The following RPF1 variants were observed in gnomAD, a reference collection of about 807,000 sequenced individuals.
RPF1 encodes ribosome production factor 1.
A neutral mutation model predicts 41.9 loss-of-function variants in RPF1; 34 were observed. That is an observed-to-expected ratio of 0.81 (90% CI 0.62 to 1.08). The LOEUF is 1.08. RPF1 is among the 50% of genes least tolerant of loss of function. The probability of loss-of-function intolerance (pLI) is 0.00; values close to 1 mark genes in which losing one functional copy is unlikely to be tolerated. For missense variants in RPF1, 425 were observed against 435.2 expected, an observed-to-expected ratio of 0.98 and a Z score of 0.21; for synonymous variants, 140 against 148.9, an observed-to-expected ratio of 0.94 and a Z score of 0.43.
rs555712965 is a variant in RPF1, at chr1:84,497,602, C to G, written c.*132C>G. 1 of 538,454 alleles carries G rather than the reference C, an allele frequency of 1.9e-6. No homozygotes were observed. 33.4% of individuals were successfully genotyped at this position (538,454 alleles called of 1,614,324 possible). A position where few individuals can be genotyped will look rare whatever the true frequency, so the allele number is the denominator to read the frequency against. ...AAACCTTTCACGTCTGGACGAATTA[C>G]CAAATGCCATGAATTGCCACTGTGT... On this transcript the variant is annotated 3_prime_UTR_variant, in exon 9 of 9. Coordinates refer to ENST00000370654, the MANE Select transcript of RPF1 (RefSeq NM_025065.7).
intron 3 of RPF1, among the ~76,000 whole-genome samples, chr1:84,485,140 T>C (rs1681714197): frequency 6.6e-6 from 1 of 152,228 alleles, no homozygotes; most frequent in South Asian, 2.1e-4. Flanking sequence ...AGTCTCGCTC[T>C]GTTGCCCAGG....
chr1:84,496,922 A>C (rs1329774550), intron 8 of RPF1, among the ~76,000 whole-genome samples: 1 of 151,876 alleles, frequency 6.6e-6, no homozygotes, highest in Admixed American at 6.6e-5. Context: ...CCCAGGCTGG[A>C]GTGCAGGGGC....
chr1:84,489,012 C>G (rs1558542322), intron 3 of RPF1, among the ~76,000 whole-genome samples: 1 of 151,900 alleles, frequency 6.6e-6, no homozygotes, highest in Admixed American at 6.6e-5. Flanking sequence ...TTTCTGAGTA[C>G]TTTCTTCTTT....
chr1:84,486,504 C>T (rs1357202606), intron 3 of RPF1, among the ~76,000 whole-genome samples: 1 of 143,874 alleles, frequency 7.0e-6, no homozygotes, highest in Admixed American at 7.4e-5. Context: ...AGGAGAATGG[C>T]GTGAACCCGG....
At chr1:84,487,702 T>TA (rs920901784) in intron 3 of RPF1, among the ~76,000 whole-genome samples, 3 of 152,156 alleles carry the variant, frequency 2.0e-5, no homozygotes, top group Non-Finnish European at 4.4e-5. Flanking sequence ...CTAAAATAAT[T>TA]AAAGAGTTGC....
rs760599880 is a variant in RPF1, at chr1:84,479,429, C to G, written c.148C>G (p.Pro50Ala). ...ACCCCCGAAAGCGGCTGCCTTTCCGCCAGGCTTTAGCATTTCGGAGATTAA... is the reference window on the plus strand; with the variant it reads ...ACCCCCGAAAGCGGCTGCCTTTCCGGCAGGCTTTAGCATTTCGGAGATTAA... ...VQPPKAAAFPPGFSISEIKNK... is the reference protein window; with the variant it reads ...VQPPKAAAFPAGFSISEIKNK... Residue 50 changes from proline to alanine, a missense_variant, in exon 1 of 9, where the codon CCA (proline) becomes GCA (alanine). Coordinates refer to ENST00000370654, the MANE Select transcript of RPF1 (RefSeq NM_025065.7). 1 of 1,614,258 alleles carries G rather than the reference C, an allele frequency of 6.2e-7. No individual in the cohort carries two copies. The highest frequency in any genetic ancestry group is 1.7e-5 in the Admixed American group (1 of 60,034).
intron 3 of RPF1, among the ~76,000 whole-genome samples, chr1:84,486,721 A>G (rs1008358415): frequency 6.6e-6 from 1 of 152,164 alleles, no homozygotes; most frequent in Non-Finnish European, 1.5e-5. Flanking sequence ...AAATCCAGGA[A>G]AGAAATGATG....
chr1:84,485,534 A>G (rs1681721934), intron 3 of RPF1, among the ~76,000 whole-genome samples: 1 of 152,180 alleles, frequency 6.6e-6, no homozygotes, highest in African/African-American at 2.4e-5. Context: ...AAAAGTTTTG[A>G]ATTTGGGAAT....
intron 1 of RPF1, 103 bp from the exon 2 acceptor site, chr1:84,480,853 C>T: frequency 1.5e-6 from 1 of 646,012 alleles, no homozygotes; most frequent in Admixed American, 2.7e-5. Flanking sequence ...CAAAGACCGC[C>T]CAGTTCGAGT....
intron 3 of RPF1, among the ~76,000 whole-genome samples, chr1:84,484,181 A>G (rs1177959482): frequency 2.6e-5 from 4 of 152,146 alleles, no homozygotes; most frequent in African/African-American, 9.7e-5. Flanking sequence ...TATGCATTTT[A>G]ATTTATTTTG....
Position 84,497,603 on chromosome 1 carries a change from C to G in RPF1, c.*133C>G, listed in dbSNP as rs1172487847. On this transcript the variant is annotated 3_prime_UTR_variant, in exon 9 of 9. Coordinates refer to ENST00000370654, the MANE Select transcript of RPF1 (RefSeq NM_025065.7). ...AACCTTTCACGTCTGGACGAATTAC[C>G]AAATGCCATGAATTGCCACTGTGTG... 4 of 535,460 alleles carry G rather than the reference C, an allele frequency of 7.5e-6. No individual in the cohort carries two copies. Among genetic ancestry groups the G allele is most frequent in the Non-Finnish European group, 1.3e-5 (4 of 311,818 alleles). 33.2% of individuals were successfully genotyped at this position (535,460 alleles called of 1,614,324 possible).
intron 5 of RPF1, 72 bp from the exon 6 acceptor site, chr1:84,495,301 G>A: frequency 1.3e-6 from 1 of 775,856 alleles, no homozygotes; most frequent in South Asian, 1.6e-5. Flanking sequence ...TTTGGATGTA[G>A]AGGACCAGTT....
chr1:84,481,640 T>C (rs1237595254), intron 2 of RPF1, among the ~76,000 whole-genome samples: 1 of 152,354 alleles, frequency 6.6e-6, no homozygotes, highest in East Asian at 1.9e-4. Context: ...AGAATTTGGC[T>C]GTATTTGTGG....
chr1:84,492,661 G>T (rs145695901), intron 5 of RPF1, among the ~76,000 whole-genome samples: 8 of 152,326 alleles, frequency 5.3e-5, no homozygotes, highest in Admixed American at 1.3e-4. Flanking sequence ...TGAGAAGCAT[G>T]TAAACTTTAT....
chr1:84,484,149 G>A (rs1431763517), intron 3 of RPF1, among the ~76,000 whole-genome samples: 1 of 152,202 alleles, frequency 6.6e-6, no homozygotes, highest in Non-Finnish European at 1.5e-5. Context: ...GCAATTTTAT[G>A]TAAGTAAGGT....
chr1:84,488,399 A>G (rs186662799), intron 3 of RPF1, among the ~76,000 whole-genome samples: 4 of 152,246 alleles, frequency 2.6e-5, no homozygotes, highest in Admixed American at 6.5e-5. Context: ...TTGTTAGCCA[A>G]TTTATAAAAA....
rs1681981170 is a variant in RPF1, at chr1:84,498,243, A to T, written c.*773A>T. On this transcript the variant is annotated 3_prime_UTR_variant, in exon 9 of 9. Transcript: ENST00000370654. ...AGTCATGTGAGAAGAGTAGGTGGAA[A>T]AAACTGTACAAACTTAACCCCTTCA... The T allele has an allele frequency of 6.6e-6, 1 of 152,654 alleles. No homozygotes were observed. Among genetic ancestry groups the T allele is most frequent in the Non-Finnish European group, 1.5e-5 (1 of 68,050 alleles). The allele number at this position is 152,654 out of a possible 1,614,324, so 9.5% of individuals were successfully genotyped here.
In RPF1 at chr1:84,479,487, G is replaced by A. The variant is rs749564354; in HGVS notation, c.206G>A (p.Arg69Gln). The A allele has an allele frequency of 3.1e-6, 5 of 1,614,112 alleles. No individual in the cohort carries two copies. Among genetic ancestry groups the A allele is most frequent in the Non-Finnish European group, 4.2e-6 (5 of 1,179,962 alleles). Reference sequence around the variant, plus strand: ...CAGCGGCGACACTTAATGTTCACGCGGTGGAAACAGCAGCAGCGGAAGGTA... The same window carrying A: ...CAGCGGCGACACTTAATGTTCACGCAGTGGAAACAGCAGCAGCGGAAGGTA... ...NKQRRHLMFT[R>Q]WKQQQRKEKL... The change falls in exon 1 of 9, where the codon CGG becomes CAG. Residue 69 changes from arginine (R) to glutamine (Q), a missense_variant. Physicochemically the swap from Arg to Gln is conservative, Grantham distance 43. Transcript: ENST00000370654.
intron 3 of RPF1, among the ~76,000 whole-genome samples, chr1:84,484,760 A>C (rs1048082631): frequency 1.3e-5 from 2 of 148,784 alleles, no homozygotes; most frequent in African/African-American, 2.5e-5. Flanking sequence ...ATCTCGGCTC[A>C]CTGCAACCTC....
Sources: gnomAD v4.1 joint callset for allele counts (sites outside exome capture counted in the v4.1 genomes callset) on GRCh38, gnomAD v4.1.1 for gene constraint, MANE v1.5 for transcripts, NCBI Gene and HGNC (gene_info 2026-07-23, HGNC 2026-07-21) for gene names.